COL25A1: variants seen among roughly 807,000 people sequenced by gnomAD.
COL25A1 encodes collagen type XXV alpha 1 chain, also known as collagen alpha-1(XXV) chain.
A neutral mutation model predicts 128.4 loss-of-function variants in COL25A1; 103 were observed. The ratio of observed to expected loss-of-function variants is 0.80; its 90% CI spans 0.68 to 0.94. The LOEUF (loss-of-function observed/expected upper bound fraction) is 0.94. Among genes scored for constraint, COL25A1 ranks in the 40% least tolerant of loss-of-function variants. COL25A1 has a pLI of 0.00. For synonymous variants in COL25A1, 279 were observed against 277.2 expected (o/e 1.01, Z -0.06); for missense variants, 745 against 840.0 (o/e 0.89, Z 1.40).
intron 3 of COL25A1, among the ~76,000 whole-genome samples, chr4:109,221,403 T>C (rs1345565330): frequency 6.6e-6 from 1 of 152,186 alleles, no homozygotes; most frequent in Admixed American, 6.5e-5. Flanking sequence ...CTGTAGGAAT[T>C]ACATCCAGTC....
At chr4:109,218,357 GTT>G (rs34056401) in intron 3 of COL25A1, among the ~76,000 whole-genome samples, 4,955 of 73,464 alleles carry the variant, frequency 0.067, 154 homozygotes, top group African/African-American at 0.17. Flanking sequence ...GTTTTTTGGG[GTT>G]TTTTTTTTTT....
intron 3 of COL25A1, among the ~76,000 whole-genome samples, chr4:109,136,490 G>A (rs1769781382): frequency 6.6e-6 from 1 of 152,186 alleles, no homozygotes; most frequent in Non-Finnish European, 1.5e-5. Context: ...AAATTGGGAG[G>A]GATTAGTCAG....
At chr4:109,138,557 G>A (rs1390695661) in intron 3 of COL25A1, among the ~76,000 whole-genome samples, 2 of 152,160 alleles carry the variant, frequency 1.3e-5, no homozygotes, top group African/African-American at 2.4e-5. Context: ...TTGAGGAATT[G>A]CCACACTGTC....
chr4:108,856,809 TA>T (rs1736571376), intron 24 of COL25A1, among the ~76,000 whole-genome samples: 1 of 152,114 alleles, frequency 6.6e-6, no homozygotes, highest in Admixed American at 6.6e-5. Flanking sequence ...TCACATTTTT[TA>T]AAAAGTACAA....
chr4:109,299,457 G>C (rs920593935), intron 3 of COL25A1, among the ~76,000 whole-genome samples: 3 of 152,094 alleles, frequency 2.0e-5, no homozygotes, highest in Non-Finnish European at 2.9e-5. Flanking sequence ...AAATTTAACA[G>C]AATATAAATA....
intron 3 of COL25A1, among the ~76,000 whole-genome samples, chr4:109,169,757 A>G (rs2704117): frequency 6.0e-4 from 91 of 152,314 alleles, no homozygotes; most frequent in African/African-American, 2.1e-3. Context: ...TTAAAGTCAC[A>G]GGAATATTTA....
chr4:109,181,800 A>G (rs1177227045), intron 3 of COL25A1, among the ~76,000 whole-genome samples: 1 of 151,920 alleles, frequency 6.6e-6, no homozygotes, highest in Non-Finnish European at 1.5e-5. Flanking sequence ...TATCCCTTGA[A>G]CTTTTCCTCC....
At chr4:109,216,111 A>G (rs1777959059) in intron 3 of COL25A1, among the ~76,000 whole-genome samples, 1 of 152,024 alleles carries the variant, frequency 6.6e-6, no homozygotes, top group Non-Finnish European at 1.5e-5. Flanking sequence ...AAGATGTTCT[A>G]TATGTTAAAT....
In COL25A1 at chr4:109,050,136, A is replaced by G; in HGVS notation, c.411T>C (p.Ser137=). The G allele has an allele frequency of 1.2e-6, 2 of 1,609,498 alleles. No homozygotes were observed. The highest frequency in any genetic ancestry group is 1.7e-6 in the Non-Finnish European group (2 of 1,177,028). Residue 137 remains serine, a splice_region_variant and synonymous_variant, in exon 4 of 38, where the codon TCT becomes TCC. Coordinates refer to ENST00000399132, the MANE Select transcript of COL25A1 (RefSeq NM_198721.4). Reference sequence around the variant, plus strand: ...AGAGCAGCTGAAAGAGAGACTTACCAGATTCTCCTCTTCGGCCTCTCTTAC... The same window carrying G: ...AGAGCAGCTGAAAGAGAGACTTACCGGATTCTCCTCTTCGGCCTCTCTTAC... ...KRGKRGRRGE[S]GPPGQPGPQG...
At chr4:109,171,812 T>C (rs142130913) in intron 3 of COL25A1, among the ~76,000 whole-genome samples, 75 of 152,306 alleles carry the variant, frequency 4.9e-4, no homozygotes, top group African/African-American at 1.8e-3. Flanking sequence ...AGATGATGAA[T>C]ATCCAGGACA....
chr4:108,818,780 C>G lies in COL25A1; in HGVS notation c.1923+472G>C, dbSNP rs6822324. On this transcript the variant is annotated intron_variant, in intron 36 of 37. Transcript: ENST00000399132. ...AAGCATTCTCTTGAATTGGTTAACA[C>G]TTGACGACAGAAGCTGAATTCCGTA... Among the ~76,000 whole-genome samples the G allele has an allele frequency of 8.7e-3, 1,318 of 151,896 alleles. 23 individuals are homozygous for G. The highest frequency in any genetic ancestry group is 0.03 in the African/African-American group (1,251 of 41,402).
chr4:109,252,514 C>T (rs1780728929), intron 3 of COL25A1, among the ~76,000 whole-genome samples: 1 of 152,206 alleles, frequency 6.6e-6, no homozygotes, highest in African/African-American at 2.4e-5. Flanking sequence ...TTATTAAAAT[C>T]CTCTTCTGCT....
intron 6 of COL25A1, 65 bp from the exon 7 acceptor site, chr4:108,974,624 C>T (rs960588447): frequency 1.6e-6 from 2 of 1,290,076 alleles, no homozygotes; most frequent in African/African-American, 3.0e-5. Context: ...AATAGATCAG[C>T]CAGGTTAGTT....
intron 5 of COL25A1, among the ~76,000 whole-genome samples, chr4:109,041,244 T>G (rs1759863311): frequency 1.3e-5 from 2 of 152,054 alleles, no homozygotes; most frequent in South Asian, 4.1e-4. Flanking sequence ...TGAGAAATAC[T>G]GAAAGATAAA....
At chr4:109,291,935 T>C (rs1319648730) in intron 3 of COL25A1, among the ~76,000 whole-genome samples, 3 of 152,128 alleles carry the variant, frequency 2.0e-5, no homozygotes, top group Non-Finnish European at 4.4e-5. Context: ...AGAGATGATA[T>C]TATATGAATA....
rs530358535 is a variant in COL25A1 at position 108,830,669 on chromosome 4, C to T, written c.1710+1711G>A. Among the ~76,000 whole-genome samples the T allele has an allele frequency of 6.6e-5, 10 of 152,364 alleles. No individual in the cohort carries two copies. In the South Asian group the frequency reaches 2.1e-3, roughly 32 times the overall value. ...GAAACTATGCCTTCAAAATTCTTAG[C>T]AATTTCATTTGCTCTTCTGGTTAAT... is the stretch of plus-strand genomic sequence containing the variant. On this transcript the variant is annotated intron_variant, in intron 32 of 37. Transcript: ENST00000399132.
chr4:108,865,484 C>T (rs912552214), intron 20 of COL25A1, among the ~76,000 whole-genome samples: 5 of 152,082 alleles, frequency 3.3e-5, no homozygotes, highest in Non-Finnish European at 5.9e-5. Context: ...CAAGGGACTT[C>T]TCTAGATACA....
At chr4:109,227,988 C>T (rs1203837726) in intron 3 of COL25A1, among the ~76,000 whole-genome samples, 2 of 152,164 alleles carry the variant, frequency 1.3e-5, no homozygotes, top group East Asian at 3.9e-4. Flanking sequence ...AGCCTCAGGA[C>T]CTGGGGCACC....
intron 3 of COL25A1, among the ~76,000 whole-genome samples, chr4:109,226,027 AC>A (rs1251272087): frequency 2.0e-5 from 3 of 151,638 alleles, no homozygotes; most frequent in East Asian, 3.9e-4. Flanking sequence ...ACACACACAC[AC>A]AACGGAATAC....
Sources: allele counts gnomAD v4.1 joint callset (sites outside exome capture counted in the v4.1 genomes callset), GRCh38; gene constraint gnomAD v4.1.1; transcripts MANE v1.5; gene names NCBI Gene and HGNC (gene_info 2026-07-23, HGNC 2026-07-21).